ANP32A: variants seen among roughly 807,000 people sequenced by gnomAD.
ANP32A encodes acidic nuclear phosphoprotein 32 family member A.
Under a neutral mutation model 33.9 loss-of-function variants are expected in ANP32A, and 1 was observed. The observed-to-expected ratio is 0.03, with a 90% CI of 0.01 to 0.14. The LOEUF is 0.14. Ranked by LOEUF, ANP32A falls within the 10% of genes least tolerant of loss-of-function variation. The probability of loss-of-function intolerance (pLI) is 1.00; values close to 1 mark genes in which losing one functional copy is unlikely to be tolerated. For missense variants in ANP32A, 155 were observed against 306.0 expected (o/e 0.51, Z 3.68); for synonymous variants, 115 against 120.5 (o/e 0.95, Z 0.30).
intron 1 of ANP32A, among the ~76,000 whole-genome samples, chr15:68,805,002 T>C (rs1384531279): frequency 6.6e-6 from 1 of 152,230 alleles, no homozygotes; most frequent in Non-Finnish European, 1.5e-5. Flanking sequence ...AGTCTGGTCC[T>C]TGGGAGAGGT....
chr15:68,789,051 T>C (rs7164503), intron 1 of ANP32A, among the ~76,000 whole-genome samples: 41,362 of 152,056 alleles, frequency 0.27, 9,189 homozygotes, highest in African/African-American at 0.59. Context: ...GGAGACCCGG[T>C]GTGTGGCCCT....
intron 1 of ANP32A, among the ~76,000 whole-genome samples, chr15:68,810,918 G>A (rs1035285176): frequency 6.6e-6 from 1 of 152,110 alleles, no homozygotes. Flanking sequence ...AAGTTATCCG[G>A]GCGTGGTGGT....
chr15:68,819,409 T>C (rs2140378127), intron 1 of ANP32A, among the ~76,000 whole-genome samples: 1 of 152,316 alleles, frequency 6.6e-6, no homozygotes, highest in East Asian at 1.9e-4. Flanking sequence ...AGGGGTAAGC[T>C]TTCGCTCGAG....
At chr15:68,798,730 C>T (rs1285505552) in intron 1 of ANP32A, among the ~76,000 whole-genome samples, 1 of 152,202 alleles carries the variant, frequency 6.6e-6, no homozygotes, top group Admixed American at 6.5e-5. Flanking sequence ...CTGCTCTCCC[C>T]ACCACCACCT....
chr15:68,797,763 C>CA (rs1894082369), intron 1 of ANP32A, among the ~76,000 whole-genome samples: 1 of 152,196 alleles, frequency 6.6e-6, no homozygotes, highest in Admixed American at 6.5e-5. Context: ...AGGCAACCTG[C>CA]CCCTGTCCAC....
At chr15:68,802,818 A>ATTTTTTTTTTT (rs1894155868) in intron 1 of ANP32A, among the ~76,000 whole-genome samples, 3 of 152,122 alleles carry the variant, frequency 2.0e-5, no homozygotes, top group African/African-American at 7.2e-5. Context: ...ATGCCCGGCT[A>ATTTTTTTTTTT]ATTTTTTATA....
rs952594828 is a variant in ANP32A at position 68,799,662 on chromosome 15, C to T, written c.55-11743G>A. Among the ~76,000 whole-genome samples, 14 of 152,254 alleles carry T rather than the reference C, an allele frequency of 9.2e-5. No homozygotes were observed. The East Asian group carries it at 1.9e-3, about 21-fold the overall frequency. On this transcript the variant is annotated intron_variant, in intron 1 of 6. Coordinates refer to ENST00000465139, the MANE Select transcript of ANP32A (RefSeq NM_006305.4). The stretch of plus-strand genomic sequence containing the variant: ...ATCGAAGGCTGTGCTGATAGGAACA[C>T]GTGGGATGGACCAGGGCTCCTTGGT...
At chr15:68,820,177 T>C (rs924578594) in intron 1 of ANP32A, among the ~76,000 whole-genome samples, 4 of 151,294 alleles carry the variant, frequency 2.6e-5, no homozygotes, top group East Asian at 2.0e-4. Flanking sequence ...CCAAACTTAT[T>C]GTGTGTGCGA....
At chr15:68,798,619 C>A (rs115959757) in intron 1 of ANP32A, among the ~76,000 whole-genome samples, 1 of 152,160 alleles carries the variant, frequency 6.6e-6, no homozygotes, top group South Asian at 2.1e-4. Context: ...AGGGCCCACA[C>A]CCTCAAAGTC....
intron 1 of ANP32A, among the ~76,000 whole-genome samples, chr15:68,795,168 G>C (rs1419115232): frequency 6.6e-6 from 1 of 152,106 alleles, no homozygotes; most frequent in South Asian, 2.1e-4. Context: ...TCTGCTAACA[G>C]GAGGCTATTC....
In ANP32A at chr15:68,812,328, A is replaced by G. The variant is rs189353595; in HGVS notation, c.54+8370T>C. Reference sequence around the variant, plus strand: ...CCTGACCCAGCATGCAAAGTGTGCAATGCACTGAAGGATGGGGCCCTGGGT... The same window carrying G: ...CCTGACCCAGCATGCAAAGTGTGCAGTGCACTGAAGGATGGGGCCCTGGGT... On this transcript the variant is annotated intron_variant, in intron 1 of 6. Coordinates refer to ENST00000465139, the MANE Select transcript of ANP32A (RefSeq NM_006305.4). Among the ~76,000 whole-genome samples the G allele has an allele frequency of 6.6e-5, 10 of 152,288 alleles. No homozygotes were observed. In the East Asian group the frequency reaches 1.2e-3, roughly 18 times the overall value.
At chr15:68,802,122 A>C (rs1203780459) in intron 1 of ANP32A, among the ~76,000 whole-genome samples, 1 of 152,216 alleles carries the variant, frequency 6.6e-6, no homozygotes, top group Non-Finnish European at 1.5e-5. Context: ...CACACAGGTC[A>C]GTGGACTCGC....
intron 1 of ANP32A, among the ~76,000 whole-genome samples, chr15:68,808,338 A>G (rs1381956766): frequency 1.3e-5 from 2 of 150,478 alleles, no homozygotes; most frequent in Non-Finnish European, 2.9e-5. Flanking sequence ...TGGGGTTGAA[A>G]TCGGCTTTAC....
At chr15:68,814,076 A>C (rs1414849007) in intron 1 of ANP32A, among the ~76,000 whole-genome samples, 1 of 151,974 alleles carries the variant, frequency 6.6e-6, no homozygotes, top group African/African-American at 2.4e-5. Flanking sequence ...TCACCGTGTT[A>C]GCCAGGATGG....
chr15:68,818,859 C>G (rs1232026217), intron 1 of ANP32A, among the ~76,000 whole-genome samples: 1 of 151,948 alleles, frequency 6.6e-6, no homozygotes, highest in African/African-American at 2.4e-5. Flanking sequence ...CCCCCAAACG[C>G]TAGGCGCCGG....
At chr15:68,789,052 G>A (rs1164991867) in intron 1 of ANP32A, among the ~76,000 whole-genome samples, 2 of 152,198 alleles carry the variant, frequency 1.3e-5, no homozygotes, top group African/African-American at 4.8e-5. Context: ...GAGACCCGGT[G>A]TGTGGCCCTC....
chr15:68,786,066 G>C (rs1893928140), intron 3 of ANP32A, among the ~76,000 whole-genome samples: 3 of 152,074 alleles, frequency 2.0e-5, no homozygotes. Flanking sequence ...CTGGCCACCA[G>C]CAAGTCCCGT....
chr15:68,817,394 G>C (rs1263459558), intron 1 of ANP32A: 1 of 152,442 alleles, frequency 6.6e-6, no homozygotes, highest in East Asian at 1.9e-4. Flanking sequence ...CCTTCCCGGA[G>C]AGCCCAGCCC....
intron 1 of ANP32A, among the ~76,000 whole-genome samples, chr15:68,800,946 T>C (rs114045412): frequency 0.016 from 2,371 of 150,982 alleles, 74 homozygotes; most frequent in African/African-American, 0.055. Flanking sequence ...ATGCTTGGCC[T>C]TATTGGGGAA....
Sources: allele counts gnomAD v4.1 joint callset (sites outside exome capture counted in the v4.1 genomes callset), GRCh38; gene constraint gnomAD v4.1.1; transcripts MANE v1.5; gene names NCBI Gene and HGNC (gene_info 2026-07-23, HGNC 2026-07-21).